The following PID1 variants were observed in gnomAD, a reference collection of about 807,000 sequenced individuals.
PID1 encodes the protein PTB-containing, cubilin and LRP1-interacting protein.
In PID1, 10 loss-of-function variants were observed where a neutral mutation model predicts 19.1. The ratio of observed to expected loss-of-function variants is 0.52; its 90% CI spans 0.32 to 0.89. The LOEUF is 0.89. Among genes scored for constraint, PID1 ranks in the 40% least tolerant of loss-of-function variants. PID1 has a pLI of 0.03. For synonymous variants in PID1, 130 were observed against 116.0 expected, an observed-to-expected ratio of 1.12 and a Z score of -0.78; for missense variants, 248 against 285.3, an observed-to-expected ratio of 0.87 and a Z score of 0.94.
chr2:229,039,951 G>A (rs1187629598), intron 2 of PID1, among the ~76,000 whole-genome samples: 1 of 152,044 alleles, frequency 6.6e-6, no homozygotes, highest in Admixed American at 6.6e-5. Flanking sequence ...ATCCAATGTT[G>A]CATTATTTGT....
At chr2:229,155,794 C>A in intron 2 of PID1, 24 bp downstream of exon 2, 2 of 1,588,390 alleles carry the variant, frequency 1.3e-6, no homozygotes, top group South Asian at 1.1e-5. Context: ...CCAAGAGAAC[C>A]CCTGCTGGCC....
At chr2:229,088,561 C>T (rs1443104694) in intron 2 of PID1, among the ~76,000 whole-genome samples, 1 of 152,116 alleles carries the variant, frequency 6.6e-6, no homozygotes, top group Non-Finnish European at 1.5e-5. Context: ...ATAAGAAATA[C>T]TCTTTTGTTC....
intron 1 of PID1, among the ~76,000 whole-genome samples, chr2:229,187,129 C>T (rs6761766): frequency 0.89 from 135,622 of 152,238 alleles, 60,557 homozygotes; most frequent in African/African-American, 0.94. Context: ...TATCACTATC[C>T]GCATTTTTGT....
At chr2:229,084,371 T>C (rs1391355083) in intron 2 of PID1, among the ~76,000 whole-genome samples, 1 of 152,228 alleles carries the variant, frequency 6.6e-6, no homozygotes, top group African/African-American at 2.4e-5. Flanking sequence ...GGGGATACTT[T>C]AATTGTTCCT....
intron 2 of PID1, among the ~76,000 whole-genome samples, chr2:229,149,847 G>A (rs983033716): frequency 1.3e-5 from 2 of 152,166 alleles, no homozygotes; most frequent in African/African-American, 4.8e-5. Flanking sequence ...CTCGGCAAAG[G>A]ACAAAGGAAC....
At chr2:229,065,076 A>C (rs2106196286) in intron 2 of PID1, among the ~76,000 whole-genome samples, 1 of 152,294 alleles carries the variant, frequency 6.6e-6, no homozygotes, top group South Asian at 2.1e-4. Context: ...TTACTTTAAC[A>C]GCTTGCACAG....
intron 1 of PID1, among the ~76,000 whole-genome samples, chr2:229,220,837 C>G (rs1691952214): frequency 6.6e-6 from 1 of 151,998 alleles, no homozygotes; most frequent in East Asian, 1.9e-4. Flanking sequence ...TAGCTTAAAA[C>G]TGACAATGTT....
intron 1 of PID1, among the ~76,000 whole-genome samples, chr2:229,185,617 G>T (rs1293116964): frequency 6.6e-6 from 1 of 152,126 alleles, no homozygotes; most frequent in African/African-American, 2.4e-5. Flanking sequence ...TTTGCATCCT[G>T]CAAAGAGAGC....
intron 1 of PID1, among the ~76,000 whole-genome samples, chr2:229,158,151 C>T (rs1210905853): frequency 6.6e-6 from 1 of 152,188 alleles, no homozygotes; most frequent in African/African-American, 2.4e-5. Flanking sequence ...TTTTTCTTTA[C>T]TTAGAACAGC....
At chr2:229,245,233 A>G (rs1689970508) in intron 1 of PID1, among the ~76,000 whole-genome samples, 2 of 152,070 alleles carry the variant, frequency 1.3e-5, no homozygotes, top group Admixed American at 1.3e-4. Flanking sequence ...ACATGACTTC[A>G]TAAAGCTTGT....
At chr2:229,071,952 CA>C (rs1197543641) in intron 2 of PID1, among the ~76,000 whole-genome samples, 1 of 152,138 alleles carries the variant, frequency 6.6e-6, no homozygotes, top group Non-Finnish European at 1.5e-5. Flanking sequence ...ATTTAAGTAA[CA>C]GACATAATAT....
intron 2 of PID1, among the ~76,000 whole-genome samples, chr2:229,067,901 G>C (rs1694364035): frequency 6.6e-6 from 1 of 152,244 alleles, no homozygotes; most frequent in African/African-American, 2.4e-5. Context: ...TGTGCAATGG[G>C]GGCAGGGCAA....
chr2:229,127,161 G>A (rs1459300986), intron 2 of PID1, among the ~76,000 whole-genome samples: 1 of 152,214 alleles, frequency 6.6e-6, no homozygotes, highest in Non-Finnish European at 1.5e-5. Flanking sequence ...GACAAAGTAG[G>A]AAATGTTGTT....
intron 2 of PID1, among the ~76,000 whole-genome samples, chr2:229,106,056 G>A (rs1409372490): frequency 8.2e-6 from 1 of 121,748 alleles, no homozygotes; most frequent in Non-Finnish European, 1.6e-5. Context: ...TCCAAGCCTG[G>A]GCAACAGAGC....
rs190181222 is a variant in PID1 at position 229,189,777 on chromosome 2, C to A, written c.31-33813G>T. The stretch of plus-strand genomic sequence containing the variant: ...TAACGCAGAACAGTCGAGGGGCAGG[C>A]AAGGGCGGGGCAGAGAGTTAACTGG... On this transcript the variant is annotated intron_variant, in intron 1 of 2. Transcript: ENST00000392055. Among the ~76,000 whole-genome samples the A allele has an allele frequency of 7.2e-5, 11 of 152,180 alleles. No homozygotes were observed. In the East Asian group the frequency reaches 2.1e-3, roughly 29 times the overall value.
chr2:229,204,835 A>C (rs897146633), intron 1 of PID1, among the ~76,000 whole-genome samples: 1 of 152,140 alleles, frequency 6.6e-6, no homozygotes, highest in Middle Eastern at 3.4e-3. Context: ...TTGTTATTAA[A>C]CGAATATATA....
At position 229,081,247 on chromosome 2, in the gene PID1, C is replaced by T. The variant is rs184380112; in HGVS notation, c.178-55139G>A. 3.6e-4 allele frequency among the ~76,000 whole-genome samples: 55 copies of T among 152,254 alleles called. 1 individual carries two copies. Among genetic ancestry groups the T allele is most frequent in the Admixed American group, 3.6e-3 (55 of 15,302 alleles). On this transcript the variant is annotated intron_variant, in intron 2 of 2. Coordinates refer to ENST00000392055, the MANE Select transcript of PID1 (RefSeq NM_001100818.2). ...CATTGTTTTCTGAAAACTTACCACT[C>T]AGCAGACCTCTACAGGATCCTGAAG...
intron 2 of PID1, among the ~76,000 whole-genome samples, chr2:229,069,143 TTGTG>T (rs61118908): frequency 7.1e-5 from 10 of 140,708 alleles, no homozygotes; most frequent in East Asian, 4.2e-4. Context: ...AGAAGGGTTT[TTGTG>T]TGTGTGTGTG....
At chr2:229,051,350 T>G (rs1320150599) in intron 2 of PID1, among the ~76,000 whole-genome samples, 2 of 152,222 alleles carry the variant, frequency 1.3e-5, no homozygotes, top group African/African-American at 4.8e-5. Context: ...TCTATTTTAA[T>G]TTTTTGAGAC....
Sources: gnomAD v4.1 joint callset for allele counts (sites outside exome capture counted in the v4.1 genomes callset) on GRCh38, gnomAD v4.1.1 for gene constraint, MANE v1.5 for transcripts, NCBI Gene and HGNC (gene_info 2026-07-23, HGNC 2026-07-21) for gene names.